Variants in GALNT13 observed in about 807,000 individuals in gnomAD.
The protein encoded by GALNT13 is polypeptide N-acetylgalactosaminyltransferase 13.
GALNT13 carries 28 observed loss-of-function variants against 64.2 expected under a neutral mutation model. The observed-to-expected ratio is 0.44, with a 90% CI of 0.32 to 0.60. The LOEUF is 0.60. Ranked by LOEUF, GALNT13 falls within the 20% of genes least tolerant of loss-of-function variation. GALNT13 has a pLI of 0.05. For synonymous variants in GALNT13, 214 were observed against 224.6 expected, an observed-to-expected ratio of 0.95 and a Z score of 0.42; for missense variants, 577 against 669.8, an observed-to-expected ratio of 0.86 and a Z score of 1.53.
chr2:153,343,408 A>T, the GALNT13 span, among the ~76,000 whole-genome samples: 1 of 152,210 alleles, frequency 6.6e-6, no homozygotes, highest in Non-Finnish European at 1.5e-5. Flanking sequence ...AATCAAGAAG[A>T]GTTTTATCTC....
At chr2:153,263,158 A>T in the GALNT13 span, among the ~76,000 whole-genome samples, 1 of 152,034 alleles carries the variant, frequency 6.6e-6, no homozygotes, top group African/African-American at 2.4e-5. Flanking sequence ...AAAAACAGAC[A>T]AGCAGAGAGG....
At chr2:153,776,673 T>C in the GALNT13 span, among the ~76,000 whole-genome samples, 3 of 152,190 alleles carry the variant, frequency 2.0e-5, no homozygotes, top group Admixed American at 1.3e-4. Flanking sequence ...AAAACATTTG[T>C]AAAGTGAATG....
At chr2:154,080,846 T>G in intron 3 of GALNT13, among the ~76,000 whole-genome samples, 1 of 151,686 alleles carries the variant, frequency 6.6e-6, no homozygotes, top group East Asian at 1.9e-4. Context: ...TTGTGGTTCC[T>G]TGGGTGAAAC....
rs551284531 is a variant in GALNT13, at chr2:154,270,172, T to G, written c.975+11034T>G. On this transcript the variant is annotated intron_variant, in intron 8 of 12. Coordinates refer to ENST00000392825, the MANE Select transcript of GALNT13 (RefSeq NM_052917.4). ...GTATTGCTCTTAAAATTATAATAGCTTAAGGCATCGTAATTTCAATAACTA... is the reference window on the plus strand; with the variant it reads ...GTATTGCTCTTAAAATTATAATAGCGTAAGGCATCGTAATTTCAATAACTA... 6.6e-5 allele frequency among the ~76,000 whole-genome samples: 10 copies of G among 151,704 alleles called. No homozygotes were observed. In the East Asian group the frequency reaches 1.9e-3, roughly 29 times the overall value.
chr2:153,608,766 T>C, the GALNT13 span, among the ~76,000 whole-genome samples: 1 of 147,800 alleles, frequency 6.8e-6, no homozygotes, highest in African/African-American at 2.4e-5. Context: ...TAAATAATTT[T>C]ATATCTGATA....
At chr2:154,262,627 G>C (rs1690760634) in intron 8 of GALNT13, among the ~76,000 whole-genome samples, 1 of 152,168 alleles carries the variant, frequency 6.6e-6, no homozygotes. Flanking sequence ...TGTTTAGACA[G>C]TGTTATGTAT....
chr2:153,155,893 C>T, the GALNT13 span, among the ~76,000 whole-genome samples: 1 of 152,164 alleles, frequency 6.6e-6, no homozygotes, highest in Non-Finnish European at 1.5e-5. Context: ...TCCCCCTTAA[C>T]ACTGCATTAG....
intron 8 of GALNT13, among the ~76,000 whole-genome samples, chr2:154,296,617 T>C (rs996695144): frequency 6.6e-6 from 1 of 152,312 alleles, no homozygotes; most frequent in South Asian, 2.1e-4. Context: ...AGAATGAATG[T>C]TGAGTACTCT....
the GALNT13 span, among the ~76,000 whole-genome samples, chr2:153,156,201 T>C: frequency 6.6e-6 from 1 of 152,182 alleles, no homozygotes; most frequent in Non-Finnish European, 1.5e-5. Context: ...GAGAAGAATG[T>C]ATATTTTGTT....
chr2:153,300,683 T>C, the GALNT13 span, among the ~76,000 whole-genome samples: 1 of 152,174 alleles, frequency 6.6e-6, no homozygotes, highest in Non-Finnish European at 1.5e-5. Flanking sequence ...AGATCTTAGA[T>C]AGGCACAGAG....
At chr2:153,125,182 C>A in the GALNT13 span, among the ~76,000 whole-genome samples, 1 of 152,298 alleles carries the variant, frequency 6.6e-6, no homozygotes, top group Non-Finnish European at 1.5e-5. Context: ...TTTTATATGG[C>A]AACCTTATGC....
intron 4 of GALNT13, among the ~76,000 whole-genome samples, chr2:154,233,491 TCCTAG>T (rs1689036651): frequency 6.6e-6 from 1 of 152,164 alleles, no homozygotes; most frequent in Admixed American, 6.6e-5. Flanking sequence ...TAGATTTATT[TCCTAG>T]TAGTTCTTGA....
chr2:153,721,676 A>G, the GALNT13 span, among the ~76,000 whole-genome samples: 1 of 151,706 alleles, frequency 6.6e-6, no homozygotes, highest in African/African-American at 2.4e-5. Flanking sequence ...CTCTGATAAA[A>G]CAGACTTTAA....
chr2:154,095,705 A>T (rs1247856796), intron 3 of GALNT13, among the ~76,000 whole-genome samples: 1 of 152,024 alleles, frequency 6.6e-6, no homozygotes, highest in Non-Finnish European at 1.5e-5. Context: ...TAAGCTTAAT[A>T]AGTAATTGCA....
the GALNT13 span, among the ~76,000 whole-genome samples, chr2:153,083,957 C>CT: frequency 6.6e-6 from 1 of 152,166 alleles, no homozygotes; most frequent in Admixed American, 6.5e-5. Context: ...CTACATGTGG[C>CT]TTGCCAATTA....
At chr2:153,694,564 T>A in the GALNT13 span, among the ~76,000 whole-genome samples, 1 of 152,136 alleles carries the variant, frequency 6.6e-6, no homozygotes, top group Non-Finnish European at 1.5e-5. Flanking sequence ...ACACAACTAA[T>A]TTATGGTGTT....
chr2:154,406,832 G>T (rs2105386637), intron 10 of GALNT13, among the ~76,000 whole-genome samples: 1 of 152,254 alleles, frequency 6.6e-6, no homozygotes, highest in Admixed American at 6.5e-5. Flanking sequence ...CTCAGGTAGT[G>T]CCTGGTATGA....
the GALNT13 span, among the ~76,000 whole-genome samples, chr2:153,816,644 T>C: frequency 6.6e-6 from 1 of 152,188 alleles, no homozygotes; most frequent in African/African-American, 2.4e-5. Flanking sequence ...GATAGATAGA[T>C]AGATTATAAA....
At chr2:153,824,768 T>C in the GALNT13 span, among the ~76,000 whole-genome samples, 2 of 152,066 alleles carry the variant, frequency 1.3e-5, no homozygotes, top group Non-Finnish European at 2.9e-5. Flanking sequence ...CCCCCTTTAA[T>C]GCTGTTCTCA....
Sources: allele counts gnomAD v4.1 joint callset (sites outside exome capture counted in the v4.1 genomes callset), GRCh38; gene constraint gnomAD v4.1.1; transcripts MANE v1.5; gene names NCBI Gene and HGNC (gene_info 2026-07-23, HGNC 2026-07-21).